The following LAMC3 variants were observed in gnomAD, a reference collection of about 807,000 sequenced individuals.
LAMC3 encodes the protein laminin subunit gamma 3, also known as laminin subunit gamma-3.
A neutral mutation model predicts 173.8 loss-of-function variants in LAMC3; 128 were observed. The ratio of observed to expected loss-of-function variants is 0.74; its 90% CI spans 0.64 to 0.85. LAMC3 has a LOEUF of 0.85. Among genes scored for constraint, LAMC3 ranks in the 40% least tolerant of loss-of-function variants. The probability of loss-of-function intolerance (pLI) is 0.00; values close to 1 mark genes in which losing one functional copy is unlikely to be tolerated. For synonymous variants in LAMC3, 897 were observed against 909.1 expected (o/e 0.99, Z 0.24); for missense variants, 2,022 against 2,156.0 (o/e 0.94, Z 1.23).
intron 2 of LAMC3, among the ~76,000 whole-genome samples, chr9:131,030,584 G>A (rs562813341): frequency 6.6e-6 from 1 of 152,320 alleles, no homozygotes; most frequent in South Asian, 2.1e-4. Context: ...TACCCTCTCT[G>A]AGCTTCAGTC....
At position 131,091,683 on chromosome 9, in the gene LAMC3, C is replaced by T. The variant is rs1365346990; in HGVS notation, c.4624C>T (p.Gln1542Ter). 1.2e-6 allele frequency: 2 copies of T among 1,610,358 alleles called. No individual in the cohort carries two copies. Among genetic ancestry groups the T allele is most frequent in the East Asian group, 4.5e-5 (2 of 44,810 alleles). ...LEQESQQQEL[Q>*]IQGFESDLAE... ...GCAGGAATCCCAGCAGCAGGAGCTGCAGATCCAGGGCTTCGAGAGTGACCT... is the reference window on the plus strand; with the variant it reads ...GCAGGAATCCCAGCAGCAGGAGCTGTAGATCCAGGGCTTCGAGAGTGACCT... Residue 1542 changes from glutamine to a stop codon, truncating the protein, a stop_gained, in exon 28 of 28, where the codon CAG becomes TAG. Coordinates refer to ENST00000361069, the MANE Select transcript of LAMC3 (RefSeq NM_006059.4). LOFTEE classifies it high-confidence loss of function.
chr9:131,084,594 C>A (rs1428956097), intron 24 of LAMC3, among the ~76,000 whole-genome samples: 1 of 152,152 alleles, frequency 6.6e-6, no homozygotes, highest in Non-Finnish European at 1.5e-5. Flanking sequence ...ATAATAAAAT[C>A]TATGGGAATT....
intron 27 of LAMC3, among the ~76,000 whole-genome samples, chr9:131,088,190 G>A (rs1329986935): frequency 6.6e-6 from 1 of 152,144 alleles, no homozygotes; most frequent in African/African-American, 2.4e-5. Flanking sequence ...AAGAAAGACT[G>A]TCACGGCAGA....
chr9:131,081,489 T>C (rs575452866), intron 23 of LAMC3, among the ~76,000 whole-genome samples: 35 of 139,078 alleles, frequency 2.5e-4, no homozygotes, highest in African/African-American at 8.7e-4. Flanking sequence ...CTCTCTCTTT[T>C]TTAGATGGAA....
intron 7 of LAMC3, among the ~76,000 whole-genome samples, chr9:131,044,312 C>T (rs552677725): frequency 6.6e-6 from 1 of 151,632 alleles, no homozygotes; most frequent in African/African-American, 2.4e-5. Context: ...GAGTTCAAGA[C>T]CAGCCTGGCC....
chr9:131,073,847 G>A, intron 20 of LAMC3, among the ~76,000 whole-genome samples: 1 of 151,860 alleles, frequency 6.6e-6, no homozygotes, highest in East Asian at 1.9e-4. Context: ...CTATAGATAT[G>A]CCTATTCTGG....
chr9:131,079,812 A>G (rs1343754510), intron 23 of LAMC3, among the ~76,000 whole-genome samples: 2 of 152,036 alleles, frequency 1.3e-5, no homozygotes, highest in African/African-American at 4.8e-5. Context: ...TGATGGATAG[A>G]CTGACAGAGG....
rs752514434 is a variant in LAMC3, at chr9:131,073,306, G to A, written c.3479G>A (p.Arg1160His). The A allele has an allele frequency of 5.1e-5, 82 of 1,613,550 alleles. No homozygotes were observed. Among genetic ancestry groups the A allele is most frequent in the Non-Finnish European group, 5.7e-5 (67 of 1,179,680 alleles). ...TGGAGCCACCTGGCCACAGAGGCCCGTGCCCTCGCCAGGAGGTGAGTCCCA... is the reference window on the plus strand; with the variant it reads ...TGGAGCCACCTGGCCACAGAGGCCCATGCCCTCGCCAGGAGGTGAGTCCCA... ...TKWSHLATEARALARSHRDTA... is the reference protein window; with the variant it reads ...TKWSHLATEAHALARSHRDTA... Residue 1160 changes from arginine to histidine, a missense_variant, in exon 20 of 28, where the codon CGT becomes CAT. Arg to His is a conservative substitution (Grantham distance 29). Transcript: ENST00000361069.
chr9:131,044,958 C>G (rs184632023), intron 7 of LAMC3, among the ~76,000 whole-genome samples: 78 of 152,270 alleles, frequency 5.1e-4, no homozygotes, highest in Non-Finnish European at 8.7e-4. Context: ...CGCGGTGGCT[C>G]AAGCCTGAAA....
In LAMC3 at chr9:131,009,933, C is replaced by T. The variant is rs899041651; in HGVS notation, c.373+346C>T. Among the ~76,000 whole-genome samples the T allele has an allele frequency of 6.6e-6, 1 of 151,952 alleles. No homozygotes were observed. The highest frequency in any genetic ancestry group is 1.5e-5 in the Non-Finnish European group (1 of 67,982). On this transcript the variant is annotated intron_variant, in intron 1 of 27. Transcript: ENST00000361069. The surrounding 1 kb of genome is among the most constrained non-coding windows in gnomAD (Gnocchi z 4.3). ...CTTTGGGAGGCCGAGGCGGGCGGAT[C>T]ACCTGAGGTCAGGAGTTCGAGACCA...
intron 9 of LAMC3, among the ~76,000 whole-genome samples, chr9:131,050,767 C>G (rs1426757237): frequency 1.2e-5 from 1 of 80,298 alleles, no homozygotes; most frequent in Admixed American, 1.1e-4. Flanking sequence ...GACTCCATCT[C>G]CAAAAAAAGG....
At position 131,061,136 on chromosome 9, in the gene LAMC3, C is replaced by T. The variant is rs371563171; in HGVS notation, c.2260C>T (p.Pro754Ser). Residue 754 changes from proline to serine, a missense_variant, in exon 13 of 28, where the codon CCC becomes TCC. Transcript: ENST00000361069. ...PFAGQADDCQ[P>S]CPCPGQSACT... is the part of the protein sequence containing the mutation. The stretch of plus-strand genomic sequence containing the variant: ...CGCGGGCCAAGCCGACGACTGCCAG[C>T]CCTGTCCCTGCCCTGGCCAGTCGGC... The T allele has an allele frequency of 9.9e-6, 16 of 1,613,516 alleles. No individual in the cohort carries two copies. In the African/African-American group the frequency reaches 2.0e-4, roughly 20 times the overall value.
chr9:131,068,565 G>A (rs150389439), intron 15 of LAMC3, among the ~76,000 whole-genome samples: 1,642 of 151,634 alleles, frequency 0.011, 108 homozygotes, highest in Admixed American at 0.093. Context: ...GGAACAGGAG[G>A]ACTCCAGGGA....
At chr9:131,066,406 G>C (rs1379717023) in intron 13 of LAMC3, among the ~76,000 whole-genome samples, 1 of 149,886 alleles carries the variant, frequency 6.7e-6, no homozygotes, top group Non-Finnish European at 1.5e-5. Flanking sequence ...CAGGAGAATT[G>C]CTTGAACCCA....
intron 20 of LAMC3, among the ~76,000 whole-genome samples, chr9:131,074,834 T>C (rs1564387806): frequency 6.6e-6 from 1 of 152,174 alleles, no homozygotes; most frequent in East Asian, 1.9e-4. Context: ...TTAAGGAATT[T>C]CCTAAGGACA....
At chr9:131,036,460 G>A in intron 4 of LAMC3, 128 bp downstream of exon 4, 1 of 1,026,346 alleles carries the variant, frequency 9.7e-7, no homozygotes, top group Admixed American at 2.0e-5. Flanking sequence ...CGGGGTCTCT[G>A]TGCTGCTGCA....
chr9:131,050,062 G>A (rs1417104536), intron 9 of LAMC3, among the ~76,000 whole-genome samples: 2 of 152,242 alleles, frequency 1.3e-5, no homozygotes, highest in Non-Finnish European at 1.5e-5. Flanking sequence ...AGTCAAAGGC[G>A]TCGGGCCCCT....
chr9:131,070,130 C>T (rs1830013714), intron 17 of LAMC3, among the ~76,000 whole-genome samples: 2 of 152,230 alleles, frequency 1.3e-5, no homozygotes, highest in African/African-American at 2.4e-5. Flanking sequence ...CTCTCAGGTT[C>T]GGTGGGGATG....
In LAMC3 at chr9:131,087,604, G is replaced by A; in HGVS notation, c.4359G>A (p.Glu1453=). 1 of 1,613,988 alleles carries A rather than the reference G, an allele frequency of 6.2e-7. No homozygotes were observed. Among genetic ancestry groups the A allele is most frequent in the Non-Finnish European group, 8.5e-7 (1 of 1,179,996 alleles). ...TGGCGTCTGAAGCACGCAGACAGGAGCTGGAGGAAGCTGAGCGGGTACGTT... is the reference window on the plus strand; with the variant it reads ...TGGCGTCTGAAGCACGCAGACAGGAACTGGAGGAAGCTGAGCGGGTACGTT... ...QVLASEARRQ[E]LEEAERVGAG... The change falls in exon 26 of 28, where the codon GAG becomes GAA. Residue 1453 remains glutamate (E), a synonymous_variant. Coordinates refer to ENST00000361069, the MANE Select transcript of LAMC3 (RefSeq NM_006059.4).
Sources: allele counts gnomAD v4.1 joint callset (sites outside exome capture counted in the v4.1 genomes callset), GRCh38; gene constraint gnomAD v4.1.1; non-coding constraint Gnocchi (gnomAD v3.1); transcripts MANE v1.5; gene names NCBI Gene and HGNC (gene_info 2026-07-23, HGNC 2026-07-21).